ADGRG4: variants seen among roughly 807,000 people sequenced by gnomAD.
ADGRG4 encodes adhesion G protein-coupled receptor G4.
Under a neutral mutation model 126.2 loss-of-function variants are expected in ADGRG4, and 122 were observed. The ratio of observed to expected loss-of-function variants is 0.97; its 90% CI spans 0.83 to 1.12. ADGRG4 has a LOEUF of 1.12. Ranked by LOEUF, ADGRG4 falls within the 50% of genes most tolerant of loss-of-function variation. The pLI, the probability that ADGRG4 is intolerant of heterozygous loss-of-function variation, is 0.00. For synonymous variants in ADGRG4, 943 were observed against 838.7 expected (o/e 1.12, Z -2.15); for missense variants, 2,481 against 2,251.8 (o/e 1.10, Z -2.06).
chrX:136,305,173 T>A (rs781334474), intron 3 of ADGRG4, 150 bp downstream of exon 3: 27 of 112,005 alleles, frequency 2.4e-4, no homozygotes, highest in African/African-American at 8.8e-4. Context: ...GATAACAGTT[T>A]GTGGGTTTTG....
At chrX:136,357,610 A>C in intron 9 of ADGRG4, 94 bp from the exon 10 acceptor site, 2 of 606,929 alleles carry the variant, frequency 3.3e-6, no homozygotes, top group Non-Finnish European at 5.2e-6. Flanking sequence ...AATGTGAAGC[A>C]TAATTATATA....
intron 16 of ADGRG4, among the ~76,000 whole-genome samples, chrX:136,389,228 C>T (rs1443361562): frequency 9.0e-6 from 1 of 111,709 alleles, no homozygotes; most frequent in Non-Finnish European, 1.9e-5. Context: ...CTTCCTGCCT[C>T]CTGGGCAAAA....
At position 136,307,586 on chromosome X, in the gene ADGRG4, C is replaced by T. The variant is rs769363691; in HGVS notation, c.-9-1183C>T. ...ATTAATGGCTGGCATTCATAGCAAG[C>T]TCAAGATTCATTTGACTTCCTAATT... On this transcript the variant is annotated intron_variant, in intron 3 of 25. Transcript: ENST00000394143. Among the ~76,000 whole-genome samples, 5 of 112,444 alleles carry T rather than the reference C, an allele frequency of 4.4e-5. No homozygotes were observed. In the South Asian group the frequency reaches 1.8e-3, roughly 41 times the overall value.
At chrX:136,413,244 G>A (rs1385522477) in intron 24 of ADGRG4, among the ~76,000 whole-genome samples, 4 of 48,613 alleles carry the variant, frequency 8.2e-5, no homozygotes, top group African/African-American at 3.4e-4. Context: ...CCCCCTCCCC[G>A]CACCCCACAA....
chrX:136,413,140 A>ATACATAG (rs2075455791), intron 24 of ADGRG4, among the ~76,000 whole-genome samples: 2 of 107,628 alleles, frequency 1.9e-5, no homozygotes, highest in Admixed American at 1.0e-4. Flanking sequence ...CACATTGTGC[A>ATACATAG]GGTTAGTTAC....
intron 16 of ADGRG4, among the ~76,000 whole-genome samples, chrX:136,391,267 G>C (rs1019146184): frequency 4.5e-5 from 5 of 111,088 alleles, no homozygotes; most frequent in African/African-American, 6.6e-5. Context: ...GAAGTCCTCA[G>C]AGATTTTTCT....
intron 15 of ADGRG4, among the ~76,000 whole-genome samples, chrX:136,379,273 A>G (rs935521523): frequency 8.1e-5 from 9 of 111,488 alleles, no homozygotes; most frequent in Non-Finnish European, 1.9e-5. Context: ...AATAATTTAT[A>G]ATATTTTCCT....
chrX:136,386,494 A>T (rs2075293087), intron 15 of ADGRG4, among the ~76,000 whole-genome samples: 1 of 111,333 alleles, frequency 9.0e-6, no homozygotes, highest in African/African-American at 3.3e-5. Context: ...TTCACTTTTA[A>T]CCCCCACTAT....
At chrX:136,396,366 C>CATATATATATATATAT (rs747291704) in intron 19 of ADGRG4, among the ~76,000 whole-genome samples, 5 of 95,072 alleles carry the variant, frequency 5.3e-5, no homozygotes, top group African/African-American at 1.9e-4. Flanking sequence ...ATTTATTTTA[C>CATATATATATATATAT]ATATATATAT....
intron 13 of ADGRG4, among the ~76,000 whole-genome samples, chrX:136,366,625 A>G (rs1459622861): frequency 2.7e-5 from 3 of 112,233 alleles, no homozygotes; most frequent in Non-Finnish European, 5.6e-5. Context: ...TTGCCTTCCA[A>G]AGTGGCTGTA....
At chrX:136,360,260 C>T (rs182608346) in intron 11 of ADGRG4, among the ~76,000 whole-genome samples, 12 of 111,600 alleles carry the variant, frequency 1.1e-4, no homozygotes, top group African/African-American at 3.9e-4. Context: ...GGCCACTTCT[C>T]ACAGCATTCT....
rs751152004 is a variant in ADGRG4 at position 136,346,098 on chromosome X, A to G, written c.2392A>G (p.Asn798Asp). The G allele has an allele frequency of 5.8e-5, 70 of 1,208,664 alleles. No homozygotes were observed. The highest frequency in any genetic ancestry group is 7.5e-5 in the Non-Finnish European group (67 of 894,341). Residue 798 changes from asparagine to aspartate, a missense_variant, in exon 6 of 26, where the codon AAT (asparagine) becomes GAT (aspartate). Asn to Asp is a conservative substitution (Grantham distance 23). Transcript: ENST00000394143. ...IISTLACIQP[N>D]FSTEESASET... is the part of the protein sequence containing the mutation. ...ATCTACTCTTGCTTGCATTCAACCA[A>G]ATTTTTCTACTGAGGAAAGTGCTTC... is the stretch of plus-strand genomic sequence containing the variant.
chrX:136,381,921 C>A (rs968111096), intron 15 of ADGRG4, among the ~76,000 whole-genome samples: 6 of 111,040 alleles, frequency 5.4e-5, no homozygotes, highest in African/African-American at 2.0e-4. Flanking sequence ...TGTTTTTCTG[C>A]CTGCTTTATA....
intron 1 of ADGRG4, among the ~76,000 whole-genome samples, chrX:136,303,717 G>C (rs919792324): frequency 9.0e-6 from 1 of 111,457 alleles, no homozygotes; most frequent in Non-Finnish European, 1.9e-5. Context: ...GGAGTTGTCA[G>C]CATAGATGAT....
Position 136,350,260 on chromosome X carries a change from C to T in ADGRG4, c.6554C>T (p.Thr2185Ile), listed in dbSNP as rs144578066. 13 of 1,207,176 alleles carry T rather than the reference C, an allele frequency of 1.1e-5. No individual in the cohort carries two copies. The African/African-American group carries it at 1.9e-4, about 18-fold the overall frequency. Residue 2185 changes from threonine to isoleucine, a missense_variant, in exon 6 of 26, where the codon ACA becomes ATA. Thr to Ile is a moderately conservative substitution (Grantham distance 89). Transcript: ENST00000394143. ...TCCCTTCTAAATATAATGACTACTACATCCACTGTTCCTGGAGCCTCATTT... is the reference window on the plus strand; with the variant it reads ...TCCCTTCTAAATATAATGACTACTATATCCACTGTTCCTGGAGCCTCATTT... The part of the protein sequence containing the change: ...LDSLLNIMTT[T>I]STVPGASFPL...
chrX:136,415,622 A>T (rs948356203), intron 25 of ADGRG4, among the ~76,000 whole-genome samples: 1 of 111,442 alleles, frequency 9.0e-6, no homozygotes, highest in East Asian at 2.8e-4. Flanking sequence ...TAACCTGTGG[A>T]TATGTCTTGG....
At chrX:136,312,666 G>T (rs970686613) in intron 4 of ADGRG4, among the ~76,000 whole-genome samples, 2 of 111,753 alleles carry the variant, frequency 1.8e-5, no homozygotes, top group Admixed American at 9.5e-5. Context: ...CAGCTTTACT[G>T]AAATATAATT....
At chrX:136,406,934 G>A (rs1261905179) in intron 23 of ADGRG4, among the ~76,000 whole-genome samples, 2 of 107,943 alleles carry the variant, frequency 1.9e-5, no homozygotes, top group Non-Finnish European at 3.8e-5. Flanking sequence ...AAAAAAGCTA[G>A]AGTCTGGTTC....
At chrX:136,389,510 A>G (rs889450328) in intron 16 of ADGRG4, among the ~76,000 whole-genome samples, 1 of 112,127 alleles carries the variant, frequency 8.9e-6, no homozygotes, top group Non-Finnish European at 1.9e-5. Context: ...TGCAAACATC[A>G]TAGTACCAGA....
Sources: gnomAD v4.1 joint callset for allele counts (sites outside exome capture counted in the v4.1 genomes callset) on GRCh38, gnomAD v4.1.1 for gene constraint, MANE v1.5 for transcripts, NCBI Gene and HGNC (gene_info 2026-07-23, HGNC 2026-07-21) for gene names.